EGLN2: variants seen among roughly 807,000 people sequenced by gnomAD.
The protein encoded by EGLN2 is egl-9 family hypoxia inducible factor 2.
A neutral mutation model predicts 38.2 loss-of-function variants in EGLN2; 15 were observed. The observed-to-expected ratio is 0.39, with a 90% confidence interval of 0.26 to 0.60. The LOEUF (loss-of-function observed/expected upper bound fraction) is 0.60, where lower values mean the gene tolerates loss of function less well. Ranked by LOEUF, EGLN2 falls within the 20% of genes least tolerant of loss-of-function variation. EGLN2 has a pLI of 0.50. For missense variants in EGLN2, 492 were observed against 570.4 expected (o/e 0.86, Z 1.40); for synonymous variants, 284 against 237.4 (o/e 1.20, Z -1.81).
At chr19:40,801,948 C>G (rs996281495) in intron 2 of EGLN2, among the ~76,000 whole-genome samples, 1 of 152,090 alleles carries the variant, frequency 6.6e-6, no homozygotes, top group East Asian at 1.9e-4. Context: ...ATGAGAGCTG[C>G]TGACATTCAC....
chr19:40,801,478 G>A lies in EGLN2; in HGVS notation c.843+63G>A, dbSNP rs962839560. 1.0e-5 allele frequency: 16 copies of A among 1,554,236 alleles called. No homozygotes were observed. The Admixed American group carries it at 1.1e-4, about 10-fold the overall frequency. On this transcript the variant is annotated intron_variant, in intron 2 of 5. Coordinates refer to ENST00000303961, the MANE Select transcript of EGLN2 (RefSeq NM_080732.4). Reference sequence around the variant, plus strand: ...AGCACCCTGGTTTGCAGCATTCAGTGCTCTGAGCACAGTGGGTTTGGAGAC... The same window carrying A: ...AGCACCCTGGTTTGCAGCATTCAGTACTCTGAGCACAGTGGGTTTGGAGAC...
rs2083268022 is a variant in EGLN2 at position 40,802,358 on chromosome 19, A to G, written c.843+943A>G. Among the ~76,000 whole-genome samples the G allele has an allele frequency of 2.0e-5, 3 of 151,954 alleles. No individual in the cohort carries two copies. In the South Asian group the frequency reaches 6.2e-4, roughly 32 times the overall value. On this transcript the variant is annotated intron_variant, in intron 2 of 5. Coordinates refer to ENST00000303961, the MANE Select transcript of EGLN2 (RefSeq NM_080732.4). ...GTTGGCCCAGGTGGAGCTCATCCCC[A>G]TGTCTCCCACCCTTCACTGTCCCAG...
In EGLN2 at chr19:40,806,692, G is replaced by GGTGAGT; in HGVS notation, c.963+23_963+24insTGTGAG. The GGTGAGT allele has an allele frequency of 6.2e-7, 1 of 1,612,864 alleles. No individual in the cohort carries two copies. ...ACGTTAAGGTAGGGGTGAGGGTGAG[G>GGTGAGT]GTGAGGGTGGCGCTGGGGCTAGGGC... On this transcript the variant is annotated intron_variant, in intron 3 of 5. Transcript: ENST00000303961.
intron 2 of EGLN2, chr19:40,806,071 A>C (rs1224791303): frequency 6.4e-6 from 1 of 157,318 alleles, no homozygotes; most frequent in African/African-American, 2.4e-5. Context: ...TTACCTGGGA[A>C]GCTTTACCAA....
chr19:40,807,161 C>G lies in EGLN2; in HGVS notation c.987C>G (p.Ile329Met), dbSNP rs143271816. ...DVKVHGGLLQ[I>M]FPEGRPVVAN... ...AGGTGCATGGCGGCCTGCTGCAGAT[C>G]TTCCCTGAGGGCCGGCCCGTGGTAG... The change falls in exon 4 of 6, where the codon ATC (isoleucine) becomes ATG (methionine). Residue 329 changes from isoleucine to methionine, a missense_variant. Coordinates refer to ENST00000303961, the MANE Select transcript of EGLN2 (RefSeq NM_080732.4). The G allele has an allele frequency of 5.6e-6, 9 of 1,614,058 alleles. No individual in the cohort carries two copies. The highest frequency in any genetic ancestry group is 1.7e-5 in the Admixed American group (1 of 60,004).
At chr19:40,801,470 C>A in intron 2 of EGLN2, 55 bp downstream of exon 2, 1 of 1,562,132 alleles carries the variant, frequency 6.4e-7, no homozygotes, top group Non-Finnish European at 8.6e-7. Context: ...TGGTTTGCAG[C>A]ATTCAGTGCT....
At chr19:40,807,108 A>T in intron 3 of EGLN2, 30 bp from the exon 4 acceptor site, 1 of 1,613,026 alleles carries the variant, frequency 6.2e-7, no homozygotes. Flanking sequence ...TGGCCGTACC[A>T]GCTAGCCTCA....
intron 2 of EGLN2, chr19:40,806,321 T>C (rs2083300373): frequency 7.6e-6 from 5 of 661,298 alleles, no homozygotes; most frequent in African/African-American, 3.6e-5. Context: ...CCCAGGTATG[T>C]GTGTTGGGAG....
rs758526793 is a variant in EGLN2 at position 40,801,138 on chromosome 19, A to G, written c.566A>G (p.Tyr189Cys). The G allele has an allele frequency of 1.6e-5, 25 of 1,612,782 alleles. No homozygotes were observed. Among genetic ancestry groups the G allele is most frequent in the Non-Finnish European group, 2.1e-5 (25 of 1,179,938 alleles). The change falls in exon 2 of 6, where the codon TAC (tyrosine) becomes TGC (cysteine). Residue 189 changes from tyrosine (Y) to cysteine (C), a missense_variant. By Grantham distance (194) the Tyr-to-Cys change is radical. Transcript: ENST00000303961. ...TATATCGTGCCCTGCATGCGGTACT[A>G]CGGCATCTGCGTCAAGGACAGCTTC... ...LDYIVPCMRY[Y>C]GICVKDSFLG...
Position 40,807,226 on chromosome 19 carries a change from G to T in EGLN2, c.1052G>T (p.Trp351Leu). ...CTCTTTGACCGGTTGCTCATTTTCTGGTCTGACCGGCGGAACCCCCACGAG... is the reference window on the plus strand; with the variant it reads ...CTCTTTGACCGGTTGCTCATTTTCTTGTCTGACCGGCGGAACCCCCACGAG... Reference protein sequence around the residue: ...EPLFDRLLIFWSDRRNPHEVK... With the variant: ...EPLFDRLLIFLSDRRNPHEVK... Residue 351 changes from tryptophan (W) to leucine (L), a missense_variant, in exon 4 of 6, where the codon TGG becomes TTG. This residue lies in a region of EGLN2 where 114 missense variants were observed against 184.2 expected (regional missense o/e 0.62). Coordinates refer to ENST00000303961, the MANE Select transcript of EGLN2 (RefSeq NM_080732.4). 6.2e-7 allele frequency: 1 copy of T among 1,614,188 alleles called. No individual in the cohort carries two copies. Among genetic ancestry groups the T allele is most frequent in the South Asian group, 1.1e-5 (1 of 91,082 alleles).
chr19:40,806,111 C>G (rs1355617042), intron 2 of EGLN2: 1 of 162,640 alleles, frequency 6.1e-6, no homozygotes, highest in Non-Finnish European at 1.4e-5. Context: ...CCAGGTACTT[C>G]AGAACCTCAG....
intron 3 of EGLN2, 170 bp from the exon 4 acceptor site, chr19:40,806,968 C>T (rs1255056860): frequency 4.5e-6 from 5 of 1,103,306 alleles, no homozygotes; most frequent in East Asian, 2.6e-5. Context: ...TAGCTTCCTG[C>T]CCATCTCCAT....
Position 40,801,208 on chromosome 19 carries a change from C to T in EGLN2, c.636C>T (p.Ala212=), listed in dbSNP as rs1000260619. ...LGGRVLAEVE[A]LKRGGRLRDG... ...GTCGCGTGCTGGCCGAGGTGGAGGC[C>T]CTCAAACGGGGTGGGCGCCTGCGAG... Residue 212 remains alanine (A), a synonymous_variant, in exon 2 of 6, where the codon GCC becomes GCT. Coordinates refer to ENST00000303961, the MANE Select transcript of EGLN2 (RefSeq NM_080732.4). The T allele has an allele frequency of 2.5e-6, 4 of 1,612,546 alleles. No homozygotes were observed. Among genetic ancestry groups the T allele is most frequent in the Admixed American group, 1.7e-5 (1 of 59,996 alleles).
rs1303242573 is a variant in EGLN2, at chr19:40,807,224, C to T, written c.1050C>T (p.Phe350=). The T allele has an allele frequency of 2.8e-5, 45 of 1,614,070 alleles. No individual in the cohort carries two copies. Among genetic ancestry groups the T allele is most frequent in the Non-Finnish European group, 3.6e-5 (43 of 1,180,018 alleles). Residue 350 remains phenylalanine, a synonymous_variant, in exon 4 of 6, where the codon TTC becomes TTT. Transcript: ENST00000303961. Reference sequence around the variant, plus strand: ...CACTCTTTGACCGGTTGCTCATTTTCTGGTCTGACCGGCGGAACCCCCACG... The same window carrying T: ...CACTCTTTGACCGGTTGCTCATTTTTTGGTCTGACCGGCGGAACCCCCACG... ...IEPLFDRLLI[F]WSDRRNPHEV... is the part of the protein sequence containing the mutation.
rs770531166 is a variant in EGLN2 at position 40,801,394 on chromosome 19, T to C, written c.822T>C (p.Tyr274=). 6.2e-7 allele frequency: 1 copy of C among 1,606,762 alleles called. No homozygotes were observed. Among genetic ancestry groups the C allele is most frequent in the Admixed American group, 1.7e-5 (1 of 59,986 alleles). ...IRHCAGRLGS[Y]VINGRTKAMV... is the part of the protein sequence containing the mutation. ...ACTGCGCAGGGCGGCTGGGCAGCTA[T>C]GTCATCAACGGGCGCACCAAGGTAA... Residue 274 remains tyrosine (Y), a synonymous_variant, in exon 2 of 6, where the codon TAT becomes TAC. Transcript: ENST00000303961.
Position 40,801,389 on chromosome 19 carries a change from A to G in EGLN2, c.817A>G (p.Ser273Gly). The change falls in exon 2 of 6, where the codon AGC becomes GGC. Residue 273 changes from serine (S) to glycine (G), a missense_variant. Ser to Gly is a moderately conservative substitution (Grantham distance 56, BLOSUM62 0). Coordinates refer to ENST00000303961, the MANE Select transcript of EGLN2 (RefSeq NM_080732.4). ...VIRHCAGRLG[S>G]YVINGRTKAM... ...CCGCCACTGCGCAGGGCGGCTGGGC[A>G]GCTATGTCATCAACGGGCGCACCAA... is the stretch of plus-strand genomic sequence containing the variant. The G allele has an allele frequency of 1.9e-6, 3 of 1,607,712 alleles. No homozygotes were observed. Among genetic ancestry groups the G allele is most frequent in the Non-Finnish European group, 1.7e-6 (2 of 1,179,118 alleles).
In EGLN2 at chr19:40,800,465, C is replaced by A; in HGVS notation, c.-108C>A. The A allele has an allele frequency of 1.4e-6, 2 of 1,436,538 alleles. No individual in the cohort carries two copies. Among genetic ancestry groups the A allele is most frequent in the Non-Finnish European group, 1.8e-6 (2 of 1,094,748 alleles). The allele number at this position is 1,436,538 out of a possible 1,614,324, so 89.0% of individuals were successfully genotyped here. On this transcript the variant is annotated 5_prime_UTR_variant, in exon 2 of 6. Transcript: ENST00000303961. ...GCCTCACCCTGCCCCACGCCAGGCC[C>A]GGTGGCCCCCAGCTGCATCAAGTGG...
At position 40,800,466 on chromosome 19, in the gene EGLN2, G is replaced by T. The variant is rs919341158; in HGVS notation, c.-107G>T. The stretch of plus-strand genomic sequence containing the variant: ...CCTCACCCTGCCCCACGCCAGGCCC[G>T]GTGGCCCCCAGCTGCATCAAGTGGA... On this transcript the variant is annotated 5_prime_UTR_variant, in exon 2 of 6. Transcript: ENST00000303961. 5 of 1,434,942 alleles carry T rather than the reference G, an allele frequency of 3.5e-6. No homozygotes were observed. In the African/African-American group the frequency reaches 7.2e-5, roughly 21 times the overall value. The allele number at this position is 1,434,942 out of a possible 1,614,324, so 88.9% of individuals were successfully genotyped here.
intron 2 of EGLN2, among the ~76,000 whole-genome samples, chr19:40,802,438 G>GTCTCTTCC (rs1188621858): frequency 6.6e-6 from 1 of 152,170 alleles, no homozygotes; most frequent in Non-Finnish European, 1.5e-5. Flanking sequence ...ACCCATGTCT[G>GTCTCTTCC]TCTCTTCCTC....
Sources: allele counts gnomAD v4.1 joint callset (sites outside exome capture counted in the v4.1 genomes callset), GRCh38; gene constraint gnomAD v4.1.1; regional missense constraint gnomAD v4.1.1; transcripts MANE v1.5; gene names NCBI Gene and HGNC (gene_info 2026-07-23, HGNC 2026-07-21).